The following MC4R variants were observed in gnomAD, a reference collection of about 807,000 sequenced individuals.
MC4R encodes the protein melanocortin receptor 4.
A neutral mutation model predicts 16.1 loss-of-function variants in MC4R; 15 were observed. The ratio of observed to expected loss-of-function variants is 0.93; its 90% confidence interval spans 0.62 to 1.44. The LOEUF (loss-of-function observed/expected upper bound fraction) is 1.44, where lower values mean the gene tolerates loss of function less well. Among genes scored for constraint, MC4R ranks in the 40% most tolerant of loss-of-function variants. The pLI, the probability that MC4R is intolerant of heterozygous loss-of-function variation, is 0.00. For synonymous variants in MC4R, 162 were observed against 151.7 expected (o/e 1.07, Z -0.50); for missense variants, 416 against 411.4 (o/e 1.01, Z -0.10).
In MC4R at chr18:60,372,570, A is replaced by G; in HGVS notation, c.-221T>C. The stretch of plus-strand genomic sequence containing the variant: ...TCATCACTTTAAAATCTTGGGCTTC[A>G]AAATATTCATTCTCAGTTGAAAGAG... On this transcript the variant is annotated 5_prime_UTR_variant, in exon 1 of 1. Coordinates refer to ENST00000299766, the MANE Select transcript of MC4R (RefSeq NM_005912.3). The G allele has an allele frequency of 1.7e-6, 1 of 601,116 alleles. No individual in the cohort carries two copies. The allele number at this position is 601,116 out of a possible 1,614,324, so 37.2% of individuals were successfully genotyped here. A position where few individuals can be genotyped will look rare whatever the true frequency, so the allele number is the denominator to read the frequency against.
chr18:60,371,586 A>G lies in MC4R; in HGVS notation c.764T>C (p.Val255Ala), dbSNP rs1915340228. Residue 255 changes from valine (V) to alanine (A), a missense_variant, in exon 1 of 1, where the codon GTT becomes GCT. By Grantham distance (64) the Val-to-Ala change is moderately conservative (BLOSUM62 0). Transcript: ENST00000299766. The stretch of plus-strand genomic sequence containing the variant: ...GAGGAAGAATGGGGCCCAGCAGACA[A>G]CAAAGACGCCAATCAGGATGGTCAA... ...ITLTILIGVF[V>A]VCWAPFFLHL... The G allele has an allele frequency of 2.5e-6, 4 of 1,614,242 alleles. No individual in the cohort carries two copies. Among genetic ancestry groups the G allele is most frequent in the Middle Eastern group, 1.6e-4 (1 of 6,062 alleles).
chr18:60,371,713 C>T lies in MC4R; in HGVS notation c.637G>A (p.Val213Ile). The T allele has an allele frequency of 6.2e-7, 1 of 1,614,136 alleles. No individual in the cohort carries two copies. Among genetic ancestry groups the T allele is most frequent in the Non-Finnish European group, 8.5e-7 (1 of 1,180,030 alleles). Residue 213 changes from valine to isoleucine, a missense_variant, in exon 1 of 1, where the codon GTC becomes ATC. Transcript: ENST00000299766. ...AGCCTGGCCATCAGGAACATGTGGA[C>T]ATAGAGAGAAGCCATGAGAGCCAGC... The part of the protein sequence containing the change: ...TMLALMASLY[V>I]HMFLMARLHI...
In MC4R at chr18:60,371,751, A is replaced by G. The variant is rs1915346327; in HGVS notation, c.599T>C (p.Met200Thr). The change falls in exon 1 of 1, where the codon ATG (methionine) becomes ACG (threonine). Residue 200 changes from methionine (M) to threonine (T), a missense_variant. By Grantham distance (81) the Met-to-Thr change is moderately conservative (BLOSUM62 -1). Transcript: ENST00000299766. ...SSAVIICLITMFFTMLALMAS... is the reference protein window; with the variant it reads ...SSAVIICLITTFFTMLALMAS... ...CATGAGAGCCAGCATGGTGAAGAAC[A>G]TGGTGATGAGGCAGATGATGACAGC... is the stretch of plus-strand genomic sequence containing the variant. 1 of 1,614,192 alleles carries G rather than the reference A, an allele frequency of 6.2e-7. No individual in the cohort carries two copies. Among genetic ancestry groups the G allele is most frequent in the Non-Finnish European group, 8.5e-7 (1 of 1,180,030 alleles).
In MC4R at chr18:60,372,743, T is replaced by G. The variant is rs1908406047; in HGVS notation, c.-394A>C. ...TCACATCGGCTGCCTCTCGGAAGCT[T>G]CTGTTTCCAGCCTGAGCGTTGCTTT... On this transcript the variant is annotated 5_prime_UTR_variant, in exon 1 of 1. Coordinates refer to ENST00000299766, the MANE Select transcript of MC4R (RefSeq NM_005912.3). The G allele has an allele frequency of 1.0e-5, 3 of 286,326 alleles. No individual in the cohort carries two copies. In the South Asian group the frequency reaches 1.3e-4, roughly 12 times the overall value. The allele number at this position is 286,326 out of a possible 1,614,324, so 17.7% of individuals were successfully genotyped here.
In MC4R at chr18:60,372,135, T is replaced by C. The variant is rs775933215; in HGVS notation, c.215A>G (p.Asn72Ser). ...GTACATGGGTGAATGCAGATTCTTG[T>C]TCTTGGCTATTGCCACAATCACTAA... Reference protein sequence around the residue: ...NILVIVAIAKNKNLHSPMYFF... With the variant: ...NILVIVAIAKSKNLHSPMYFF... Residue 72 changes from asparagine to serine, a missense_variant, in exon 1 of 1, where the codon AAC (asparagine) becomes AGC (serine). By Grantham distance (46) the Asn-to-Ser change is conservative. Transcript: ENST00000299766. 22 of 1,614,138 alleles carry C rather than the reference T, an allele frequency of 1.4e-5. No individual in the cohort carries two copies. The highest frequency in any genetic ancestry group is 3.3e-5 in the Admixed American group (2 of 60,012).
rs760199460 is a variant in MC4R, at chr18:60,371,458, C to T, written c.892G>A (p.Asp298Asn). The stretch of plus-strand genomic sequence containing the variant: ...CTCCGGAGTGCATAAATCAGAGGAT[C>T]GATGATTGAATTACACATGATCAGT... ...LILIMCNSIIDPLIYALRSQE... is the reference protein window; with the variant it reads ...LILIMCNSIINPLIYALRSQE... Residue 298 changes from aspartate (D) to asparagine (N), a missense_variant, in exon 1 of 1, where the codon GAT becomes AAT. Transcript: ENST00000299766. 9 of 1,613,892 alleles carry T rather than the reference C, an allele frequency of 5.6e-6. No homozygotes were observed. Among genetic ancestry groups the T allele is most frequent in the East Asian group, 4.5e-5 (2 of 44,898 alleles).
In MC4R at chr18:60,371,338, G is replaced by C; in HGVS notation, c.*13C>G. 2 of 1,613,806 alleles carry C rather than the reference G, an allele frequency of 1.2e-6. No homozygotes were observed. Among genetic ancestry groups the C allele is most frequent in the Non-Finnish European group, 1.7e-6 (2 of 1,179,814 alleles). On this transcript the variant is annotated 3_prime_UTR_variant, in exon 1 of 1. Transcript: ENST00000299766. ...TCTTATGCATGTTCCTATATTGCGTGCTCTGTCCCCATTTAATATCTGCTA... is the reference window on the plus strand; with the variant it reads ...TCTTATGCATGTTCCTATATTGCGTCCTCTGTCCCCATTTAATATCTGCTA...
chr18:60,372,249 C>A lies in MC4R; in HGVS notation c.101G>T (p.Gly34Val), dbSNP rs754799513. The change falls in exon 1 of 1, where the codon GGC (glycine) becomes GTC (valine). Residue 34 changes from glycine to valine, a missense_variant. Gly to Val is a moderately radical substitution (Grantham distance 109, BLOSUM62 -3). Transcript: ENST00000299766. ...HSNASESLGK[G>V]YSDGGCYEQL... ...CTCGTAGCACCCTCCATCAGAGTAG[C>A]CTTTTCCAAGGGACTCACTGGCATT... The A allele has an allele frequency of 6.2e-7, 1 of 1,614,228 alleles. No homozygotes were observed. Among genetic ancestry groups the A allele is most frequent in the Admixed American group, 1.7e-5 (1 of 60,032 alleles).
chr18:60,371,721 G>A lies in MC4R; in HGVS notation c.629C>T (p.Ser210Phe), dbSNP rs1052798926. 1 of 1,614,062 alleles carries A rather than the reference G, an allele frequency of 6.2e-7. No homozygotes were observed. Among genetic ancestry groups the A allele is most frequent in the Admixed American group, 1.7e-5 (1 of 59,996 alleles). The change falls in exon 1 of 1, where the codon TCT (serine) becomes TTT (phenylalanine). Residue 210 changes from serine (S) to phenylalanine (F), a missense_variant. Transcript: ENST00000299766. ...MFFTMLALMA[S>F]LYVHMFLMAR... ...CATCAGGAACATGTGGACATAGAGA[G>A]AAGCCATGAGAGCCAGCATGGTGAA...
rs1326028718 is a variant in MC4R at position 60,371,451 on chromosome 18, A to G, written c.899T>C (p.Leu300Pro). 6 of 1,614,190 alleles carry G rather than the reference A, an allele frequency of 3.7e-6. No homozygotes were observed. In the South Asian group the frequency reaches 6.6e-5, roughly 18 times the overall value. ...LIMCNSIIDP[L>P]IYALRSQELR... ...TTCTTGACTCCGGAGTGCATAAATC[A>G]GAGGATCGATGATTGAATTACACAT... Residue 300 changes from leucine to proline, a missense_variant, in exon 1 of 1, where the codon CTG becomes CCG. Coordinates refer to ENST00000299766, the MANE Select transcript of MC4R (RefSeq NM_005912.3).
Position 60,372,109 on chromosome 18 carries a change from A to C in MC4R, c.241T>G (p.Phe81Val). The C allele has an allele frequency of 6.2e-7, 1 of 1,614,248 alleles. No homozygotes were observed. Among genetic ancestry groups the C allele is most frequent in the Middle Eastern group, 1.7e-4 (1 of 6,060 alleles). Residue 81 changes from phenylalanine (F) to valine (V), a missense_variant, in exon 1 of 1, where the codon TTT (phenylalanine) becomes GTT (valine). By Grantham distance (50) the Phe-to-Val change is conservative. Coordinates refer to ENST00000299766, the MANE Select transcript of MC4R (RefSeq NM_005912.3). ...GCCACAGCCAAGCTGCAGATGAAAA[A>C]GTACATGGGTGAATGCAGATTCTTG... Reference protein sequence around the residue: ...KNKNLHSPMYFFICSLAVADM... With the variant: ...KNKNLHSPMYVFICSLAVADM...
In MC4R at chr18:60,372,185, A is replaced by G; in HGVS notation, c.165T>C (p.Gly55=). ...FVSPEVFVTL[G]VISLLENILV... ...AGATATTCTCCAACAAGCTGATGAC[A>G]CCCAGAGTCACAAACACCTCAGGAG... Residue 55 remains glycine, a synonymous_variant, in exon 1 of 1, where the codon GGT becomes GGC. Coordinates refer to ENST00000299766, the MANE Select transcript of MC4R (RefSeq NM_005912.3). 5 of 1,614,214 alleles carry G rather than the reference A, an allele frequency of 3.1e-6. No individual in the cohort carries two copies. Among genetic ancestry groups the G allele is most frequent in the Non-Finnish European group, 4.2e-6 (5 of 1,180,030 alleles).
rs770200773 is a variant in MC4R at position 60,372,221 on chromosome 18, T to C, written c.129A>G (p.Gln43=). Residue 43 remains glutamine (Q), a synonymous_variant, in exon 1 of 1, where the codon CAA becomes CAG. Coordinates refer to ENST00000299766, the MANE Select transcript of MC4R (RefSeq NM_005912.3). ...KGYSDGGCYE[Q]LFVSPEVFVT... ...CAAACACCTCAGGAGAGACAAAAAG[T>C]TGCTCGTAGCACCCTCCATCAGAGT... is the stretch of plus-strand genomic sequence containing the variant. 3.7e-6 allele frequency: 6 copies of C among 1,614,248 alleles called. No individual in the cohort carries two copies. The highest frequency in any genetic ancestry group is 3.3e-5 in the South Asian group (3 of 91,088).
chr18:60,371,320 C>T lies in MC4R; in HGVS notation c.*31G>A, dbSNP rs1292798323. 1.2e-6 allele frequency: 2 copies of T among 1,611,982 alleles called. No individual in the cohort carries two copies. Among genetic ancestry groups the T allele is most frequent in the East Asian group, 2.2e-5 (1 of 44,882 alleles). ...GGTAAGAGTGAAAAAGTCTCTTATGCATGTTCCTATATTGCGTGCTCTGTC... is the reference window on the plus strand; with the variant it reads ...GGTAAGAGTGAAAAAGTCTCTTATGTATGTTCCTATATTGCGTGCTCTGTC... On this transcript the variant is annotated 3_prime_UTR_variant, in exon 1 of 1. Coordinates refer to ENST00000299766, the MANE Select transcript of MC4R (RefSeq NM_005912.3).
chr18:60,371,704 A>G lies in MC4R; in HGVS notation c.646T>C (p.Phe216Leu). ...ALMASLYVHM[F>L]LMARLHIKRI... ...TTAATGTGAAGCCTGGCCATCAGGA[A>G]CATGTGGACATAGAGAGAAGCCATG... Residue 216 changes from phenylalanine to leucine, a missense_variant, in exon 1 of 1, where the codon TTC becomes CTC. Coordinates refer to ENST00000299766, the MANE Select transcript of MC4R (RefSeq NM_005912.3). 1 of 1,614,212 alleles carries G rather than the reference A, an allele frequency of 6.2e-7. No individual in the cohort carries two copies. The highest frequency in any genetic ancestry group is 8.5e-7 in the Non-Finnish European group (1 of 1,180,034).
Position 60,372,162 on chromosome 18 carries a change from A to G in MC4R, c.188T>C (p.Ile63Thr). 2 of 1,614,232 alleles carry G rather than the reference A, an allele frequency of 1.2e-6. No individual in the cohort carries two copies. The highest frequency in any genetic ancestry group is 1.7e-5 in the Admixed American group (1 of 60,026). The change falls in exon 1 of 1, where the codon ATC (isoleucine) becomes ACC (threonine). Residue 63 changes from isoleucine (I) to threonine (T), a missense_variant. Transcript: ENST00000299766. Reference protein sequence around the residue: ...TLGVISLLENILVIVAIAKNK... With the variant: ...TLGVISLLENTLVIVAIAKNK... ...CTTGGCTATTGCCACAATCACTAAG[A>G]TATTCTCCAACAAGCTGATGACACC...
Position 60,371,785 on chromosome 18 carries a change from C to T in MC4R, c.565G>A (p.Asp189Asn). Residue 189 changes from aspartate to asparagine, a missense_variant, in exon 1 of 1, where the codon GAT becomes AAT. Physicochemically the swap from Asp to Asn is conservative, Grantham distance 23. Coordinates refer to ENST00000299766, the MANE Select transcript of MC4R (RefSeq NM_005912.3). ...AGGCAGATGATGACAGCACTACTAT[C>T]TGAGTAAATGATGAACAAAATGCCT... ...VSGILFIIYS[D>N]SSAVIICLIT... The T allele has an allele frequency of 6.2e-7, 1 of 1,614,128 alleles. No individual in the cohort carries two copies. Among genetic ancestry groups the T allele is most frequent in the Non-Finnish European group, 8.5e-7 (1 of 1,180,022 alleles).
In MC4R at chr18:60,371,690, C is replaced by G. The variant is rs769365891; in HGVS notation, c.660G>C (p.Arg220Ser). The change falls in exon 1 of 1, where the codon AGG becomes AGC. Residue 220 changes from arginine to serine, a missense_variant. By Grantham distance (110) the Arg-to-Ser change is moderately radical. Transcript: ENST00000299766. ...SLYVHMFLMARLHIKRIAVLP... is the reference protein window; with the variant it reads ...SLYVHMFLMASLHIKRIAVLP... ...GGACAGCAATCCTCTTAATGTGAAG[C>G]CTGGCCATCAGGAACATGTGGACAT... 11 of 1,614,146 alleles carry G rather than the reference C, an allele frequency of 6.8e-6. No individual in the cohort carries two copies. In the South Asian group the frequency reaches 1.2e-4, roughly 18 times the overall value.
At position 60,372,397 on chromosome 18, in the gene MC4R, G is replaced by C. The variant is rs770443246; in HGVS notation, c.-48C>G. 5 of 1,601,268 alleles carry C rather than the reference G, an allele frequency of 3.1e-6. No individual in the cohort carries two copies. Among genetic ancestry groups the C allele is most frequent in the Admixed American group, 1.7e-5 (1 of 59,504 alleles). On this transcript the variant is annotated 5_prime_UTR_variant, in exon 1 of 1. Coordinates refer to ENST00000299766, the MANE Select transcript of MC4R (RefSeq NM_005912.3). ...CCCCCTGAATTGATTTAACCTCCTG[G>C]GTCAGGGAGTCGTCTCAGTTATTTC...
Sources: allele counts gnomAD v4.1 joint callset, GRCh38; gene constraint gnomAD v4.1.1; transcripts MANE v1.5; gene names NCBI Gene and HGNC (gene_info 2026-07-23, HGNC 2026-07-21).